The following RAVER2 variants were observed in gnomAD, a reference collection of about 807,000 sequenced individuals.
RAVER2 encodes the protein ribonucleoprotein, PTB binding 2, also known as ribonucleoprotein PTB-binding 2.
In RAVER2, 46 loss-of-function variants were observed where a neutral mutation model predicts 78.1. The observed-to-expected ratio is 0.59, with a 90% CI of 0.46 to 0.75. The LOEUF is 0.75. Ranked by LOEUF, RAVER2 falls within the 30% of genes least tolerant of loss-of-function variation. The pLI is 0.00. For missense variants in RAVER2, 793 were observed against 837.5 expected (o/e 0.95, Z 0.66); for synonymous variants, 311 against 313.3 (o/e 0.99, Z 0.08).
intron 2 of RAVER2, among the ~76,000 whole-genome samples, chr1:64,770,577 A>C (rs780361990): frequency 6.6e-6 from 1 of 152,050 alleles, no homozygotes; most frequent in South Asian, 2.1e-4. Context: ...CATGATGAAG[A>C]AGCAGGAAAA....
intron 8 of RAVER2, among the ~76,000 whole-genome samples, chr1:64,805,526 T>A (rs893845673): frequency 6.6e-6 from 1 of 152,226 alleles, no homozygotes; most frequent in Non-Finnish European, 1.5e-5. Flanking sequence ...TTAAAAAAAT[T>A]TAACCTCTAA....
chr1:64,801,755 T>C (rs1368011469), intron 5 of RAVER2, among the ~76,000 whole-genome samples: 1 of 152,140 alleles, frequency 6.6e-6, no homozygotes, highest in Non-Finnish European at 1.5e-5. Flanking sequence ...TAATCCCAGC[T>C]ACTTGGGAGG....
chr1:64,810,949 A>G (rs1653586287), intron 9 of RAVER2, among the ~76,000 whole-genome samples: 1 of 152,232 alleles, frequency 6.6e-6, no homozygotes, highest in Admixed American at 6.5e-5. Flanking sequence ...CCCATAGCCT[A>G]GAAATATTGA....
chr1:64,830,511 GATATTC>G (rs1654101351), intron 11 of RAVER2, among the ~76,000 whole-genome samples: 1 of 152,184 alleles, frequency 6.6e-6, no homozygotes, highest in African/African-American at 2.4e-5. Flanking sequence ...ATTCGGTGTT[GATATTC>G]TGAGTCCGTG....
chr1:64,759,700 T>C (rs1651966870), intron 1 of RAVER2, among the ~76,000 whole-genome samples: 1 of 151,962 alleles, frequency 6.6e-6, no homozygotes, highest in African/African-American at 2.4e-5. Flanking sequence ...ATATTTTTAG[T>C]AGAGACTGGG....
At chr1:64,821,799 C>T (rs1653894228) in intron 11 of RAVER2, among the ~76,000 whole-genome samples, 1 of 152,096 alleles carries the variant, frequency 6.6e-6, no homozygotes, top group Admixed American at 6.5e-5. Flanking sequence ...ATGTAAAACA[C>T]AAAATTATAA....
chr1:64,766,327 A>G (rs540376439), intron 1 of RAVER2, among the ~76,000 whole-genome samples: 10 of 152,306 alleles, frequency 6.6e-5, no homozygotes, highest in African/African-American at 2.4e-4. Context: ...GATGGAGCAT[A>G]GAATTATTTT....
intron 1 of RAVER2, among the ~76,000 whole-genome samples, chr1:64,757,628 GCTGA>G (rs1651890716): frequency 6.6e-6 from 1 of 152,186 alleles, no homozygotes; most frequent in Non-Finnish European, 1.5e-5. Context: ...GGTAGCCTGA[GCTGA>G]CTATTACAGT....
chr1:64,816,646 A>G lies in RAVER2; in HGVS notation c.1929+1806A>G, dbSNP rs568838448. On this transcript the variant is annotated intron_variant, in intron 11 of 11. Transcript: ENST00000294428. ...TAACACTTGCTATATGCTTTGTGAC[A>G]TAAGTGATTACTATTTCTAAAAACC... 5 of 152,348 alleles carry G rather than the reference A, an allele frequency of 3.3e-5. No homozygotes were observed. In the East Asian group the frequency reaches 7.7e-4, roughly 24 times the overall value. 9.4% of individuals were successfully genotyped at this position (152,348 alleles called of 1,614,324 possible).
chr1:64,804,304 C>A (rs310240), intron 6 of RAVER2, among the ~76,000 whole-genome samples: 73,330 of 151,850 alleles, frequency 0.48, 20,333 homozygotes, highest in African/African-American at 0.77. Context: ...ATGTGTAATC[C>A]TGTGTTTTTT....
chr1:64,761,802 TATAA>T (rs1652029754), intron 1 of RAVER2, among the ~76,000 whole-genome samples: 3 of 152,134 alleles, frequency 2.0e-5, no homozygotes, highest in African/African-American at 4.8e-5. Flanking sequence ...AAAAAGAATC[TATAA>T]ATAAGCTATT....
chr1:64,765,935 A>G (rs998198513), intron 1 of RAVER2, among the ~76,000 whole-genome samples: 1 of 152,212 alleles, frequency 6.6e-6, no homozygotes, highest in Non-Finnish European at 1.5e-5. Flanking sequence ...AGACAATGTA[A>G]TTCAGGTTTA....
At chr1:64,786,758 C>G (rs1041458637) in intron 4 of RAVER2, among the ~76,000 whole-genome samples, 53 of 152,236 alleles carry the variant, frequency 3.5e-4, no homozygotes, top group African/African-American at 1.3e-3. Context: ...ACACCATTGC[C>G]CTCCAGCCTG....
intron 5 of RAVER2, among the ~76,000 whole-genome samples, chr1:64,791,401 C>G (rs926623634): frequency 6.6e-6 from 1 of 152,144 alleles, no homozygotes; most frequent in South Asian, 2.1e-4. Context: ...TAGAGTTGGT[C>G]TTTCTGCACA....
intron 4 of RAVER2, among the ~76,000 whole-genome samples, chr1:64,788,522 G>A (rs898537702): frequency 2.0e-5 from 3 of 150,232 alleles, no homozygotes; most frequent in Admixed American, 6.6e-5. Context: ...GGTCAGTCGC[G>A]GTGGCTCACA....
intron 5 of RAVER2, among the ~76,000 whole-genome samples, chr1:64,794,539 T>G (rs1653042077): frequency 6.6e-6 from 1 of 152,180 alleles, no homozygotes; most frequent in Non-Finnish European, 1.5e-5. Flanking sequence ...ATTTTAGCCT[T>G]TCTATTGGAT....
intron 11 of RAVER2, among the ~76,000 whole-genome samples, chr1:64,829,337 C>T (rs190297660): frequency 7.9e-5 from 12 of 152,268 alleles, no homozygotes; most frequent in African/African-American, 2.9e-4. Context: ...GAAAATCTCA[C>T]TTGTAGAATG....
intron 11 of RAVER2, among the ~76,000 whole-genome samples, chr1:64,824,847 C>G (rs139880643): frequency 4.1e-5 from 6 of 147,344 alleles, no homozygotes; most frequent in Non-Finnish European, 5.9e-5. Flanking sequence ...AGGAGAATCG[C>G]TTGAGCCCGG....
chr1:64,751,233 T>C (rs2100800903), intron 1 of RAVER2, among the ~76,000 whole-genome samples: 1 of 152,366 alleles, frequency 6.6e-6, no homozygotes, highest in Middle Eastern at 3.4e-3. Context: ...GTTTTCAGGT[T>C]AGCATTTTAG....
Sources: allele counts gnomAD v4.1 joint callset (sites outside exome capture counted in the v4.1 genomes callset), GRCh38; gene constraint gnomAD v4.1.1; transcripts MANE v1.5; gene names NCBI Gene and HGNC (gene_info 2026-07-23, HGNC 2026-07-21).